The following COG5 variants were observed in gnomAD, a reference collection of about 807,000 sequenced individuals.
COG5 encodes the protein conserved oligomeric Golgi complex subunit 5.
Under a neutral mutation model 110.4 loss-of-function variants are expected in COG5, and 86 were observed. The observed-to-expected ratio is 0.78, with a 90% CI of 0.65 to 0.93. COG5 has a LOEUF of 0.93. Among genes scored for constraint, COG5 ranks in the 40% least tolerant of loss-of-function variants. The pLI is 0.00. For missense variants in COG5, 1,077 were observed against 987.0 expected (o/e 1.09, Z -1.22); for synonymous variants, 360 against 334.6 (o/e 1.08, Z -0.83).
chr7:107,236,735 A>G, intron 17 of COG5, 48 bp from the exon 18 acceptor site: 1 of 1,236,666 alleles, frequency 8.1e-7, no homozygotes, highest in Non-Finnish European at 1.2e-6. Flanking sequence ...ACTAAATCAC[A>G]CTCTTTGATT....
At chr7:107,218,203 CAAAAA>C (rs1321978747) in intron 19 of COG5, among the ~76,000 whole-genome samples, 4 of 151,738 alleles carry the variant, frequency 2.6e-5, no homozygotes, top group Non-Finnish European at 5.9e-5. Context: ...AATAAATTGA[CAAAAA>C]AATAAATGGA....
chr7:107,298,408 G>T, intron 11 of COG5, 62 bp from the exon 12 acceptor site: 1 of 1,374,378 alleles, frequency 7.3e-7, no homozygotes. Flanking sequence ...TGTTTCTTTT[G>T]CATATGAAGA....
intron 14 of COG5, among the ~76,000 whole-genome samples, chr7:107,263,494 T>C (rs543145161): frequency 1.3e-5 from 2 of 152,212 alleles, no homozygotes; most frequent in East Asian, 3.9e-4. Context: ...GTTACACTAT[T>C]CCAGTACAAT....
intron 14 of COG5, among the ~76,000 whole-genome samples, chr7:107,273,388 C>T (rs949877389): frequency 1.3e-5 from 2 of 152,138 alleles, no homozygotes; most frequent in Non-Finnish European, 2.9e-5. Context: ...TAAATGTTGA[C>T]ACTTTTATCT....
At chr7:107,556,382 C>T (rs1004769418) in intron 2 of COG5, among the ~76,000 whole-genome samples, 9 of 152,160 alleles carry the variant, frequency 5.9e-5, no homozygotes, top group South Asian at 2.1e-4. Flanking sequence ...TACTGGGACT[C>T]GGAGACTTCC....
At chr7:107,441,280 A>G (rs1794692505) in intron 6 of COG5, among the ~76,000 whole-genome samples, 1 of 150,302 alleles carries the variant, frequency 6.7e-6, no homozygotes, top group Non-Finnish European at 1.5e-5. Flanking sequence ...AAAAAAAAGA[A>G]TTACCAATCC....
chr7:107,484,659 T>A (rs1797550940), intron 6 of COG5, among the ~76,000 whole-genome samples: 1 of 152,178 alleles, frequency 6.6e-6, no homozygotes, highest in Non-Finnish European at 1.5e-5. Context: ...CCTCAATGTA[T>A]AACACTGGCC....
At chr7:107,398,291 T>C (rs183089454) in intron 7 of COG5, among the ~76,000 whole-genome samples, 49 of 152,332 alleles carry the variant, frequency 3.2e-4, no homozygotes, top group African/African-American at 1.1e-3. Flanking sequence ...CAATGGACTA[T>C]TTATACATAC....
intron 5 of COG5, among the ~76,000 whole-genome samples, chr7:107,531,508 CTATT>C (rs1205519820): frequency 6.6e-6 from 1 of 151,870 alleles, no homozygotes; most frequent in African/African-American, 2.4e-5. Flanking sequence ...ACCTCATTGA[CTATT>C]TGTTTACCTA....
intron 6 of COG5, among the ~76,000 whole-genome samples, chr7:107,491,044 T>C (rs2129128091): frequency 6.6e-6 from 1 of 152,278 alleles, no homozygotes; most frequent in Non-Finnish European, 1.5e-5. Flanking sequence ...GTTTTTATTG[T>C]TGTTGCTACC....
intron 6 of COG5, among the ~76,000 whole-genome samples, chr7:107,502,060 G>T (rs1798670806): frequency 6.6e-6 from 1 of 152,000 alleles, no homozygotes; most frequent in Admixed American, 6.6e-5. Context: ...AAGTGGTTGT[G>T]ATTACATAAA....
At chr7:107,405,820 T>C (rs921083925) in intron 7 of COG5, among the ~76,000 whole-genome samples, 1 of 152,118 alleles carries the variant, frequency 6.6e-6, no homozygotes, top group African/African-American at 2.4e-5. Context: ...CACCCATGAA[T>C]GGGATTCATG....
At chr7:107,445,099 TCCAGGAGCCCAGGAGTTCCTGAGC>T (rs1794928261) in intron 6 of COG5, among the ~76,000 whole-genome samples, 1 of 151,724 alleles carries the variant, frequency 6.6e-6, no homozygotes, top group African/African-American at 2.4e-5. Flanking sequence ...CTCAGGAGCT[TCCAGGAGCCCAGGAGTTCCTGAGC>T]CCAGGAGCTC....
At chr7:107,490,514 G>A (rs1460452768) in intron 6 of COG5, among the ~76,000 whole-genome samples, 1 of 152,094 alleles carries the variant, frequency 6.6e-6, no homozygotes, top group Admixed American at 6.6e-5. Context: ...CATGATCACA[G>A]ATTATGATGT....
At chr7:107,559,662 G>C (rs192170765) in intron 1 of COG5, among the ~76,000 whole-genome samples, 52 of 152,304 alleles carry the variant, frequency 3.4e-4, no homozygotes, top group African/African-American at 1.3e-3. Flanking sequence ...GTAGTGGAAT[G>C]AAAGAAGGAA....
chr7:107,505,521 G>A (rs985060305), intron 6 of COG5, among the ~76,000 whole-genome samples: 9 of 152,184 alleles, frequency 5.9e-5, no homozygotes, highest in African/African-American at 2.2e-4. Context: ...GTTGTCTATA[G>A]GTATACCCAT....
intron 6 of COG5, among the ~76,000 whole-genome samples, chr7:107,468,413 G>C (rs1796430292): frequency 6.7e-6 from 1 of 149,616 alleles, no homozygotes; most frequent in African/African-American, 2.4e-5. Context: ...ATGAATGTGT[G>C]TGCTGTGGTG....
chr7:107,536,863 T>C (rs969743230), intron 5 of COG5, among the ~76,000 whole-genome samples: 1 of 152,136 alleles, frequency 6.6e-6, no homozygotes, highest in Admixed American at 6.5e-5. Context: ...CTTCAAACTA[T>C]ACTGCAAGGC....
rs186101802 is a variant in COG5, at chr7:107,440,800, G to A, written c.539-28168C>T. ...AAGGTGCTGAGAGGTCAACCCATGGGAGAGGGAAGTGAAGTTTTGTGCCCC... is the reference window on the plus strand; with the variant it reads ...AAGGTGCTGAGAGGTCAACCCATGGAAGAGGGAAGTGAAGTTTTGTGCCCC... On this transcript the variant is annotated intron_variant, in intron 6 of 21. Coordinates refer to ENST00000297135, the MANE Select transcript of COG5 (RefSeq NM_006348.5). Among the ~76,000 whole-genome samples the A allele has an allele frequency of 1.9e-3, 282 of 152,288 alleles. 2 individuals carry two copies. Among genetic ancestry groups the A allele is most frequent in the African/African-American group, 6.6e-3 (273 of 41,552 alleles).
Sources: gnomAD v4.1 joint callset for allele counts (sites outside exome capture counted in the v4.1 genomes callset) on GRCh38, gnomAD v4.1.1 for gene constraint, MANE v1.5 for transcripts, NCBI Gene and HGNC (gene_info 2026-07-23, HGNC 2026-07-21) for gene names.